Variants in GTSE1 observed in about 807,000 individuals in gnomAD.
GTSE1 encodes G2 and S phase-expressed protein 1.
Under a neutral mutation model 60.5 loss-of-function variants are expected in GTSE1, and 52 were observed. That is an observed-to-expected ratio of 0.86 (90% CI 0.69 to 1.08). The LOEUF (loss-of-function observed/expected upper bound fraction) is 1.08. Ranked by LOEUF, GTSE1 falls within the 50% of genes least tolerant of loss-of-function variation. The pLI is 0.00. For missense variants in GTSE1, 937 were observed against 961.8 expected (o/e 0.97, Z 0.34); for synonymous variants, 368 against 386.5 (o/e 0.95, Z 0.56).
At position 46,326,599 on chromosome 22, in the gene GTSE1, C is replaced by T. The variant is rs1031787274; in HGVS notation, c.1669C>T (p.Leu557=). ...GATGCCCAGGGCCGTGGGCTCTCCCCTGTGTGTGCCAGCTCGGAGACGTTC... is the reference window on the plus strand; with the variant it reads ...GATGCCCAGGGCCGTGGGCTCTCCCTTGTGTGTGCCAGCTCGGAGACGTTC... ...KTMPRAVGSP[L]CVPARRRSSE... Residue 557 remains leucine, a synonymous_variant, in exon 9 of 12, where the codon CTG becomes TTG. Coordinates refer to ENST00000454366, the MANE Select transcript of GTSE1 (RefSeq NM_016426.7). 9 of 1,613,666 alleles carry T rather than the reference C, an allele frequency of 5.6e-6. No homozygotes were observed. Among genetic ancestry groups the T allele is most frequent in the East Asian group, 4.5e-5 (2 of 44,878 alleles).
At chr22:46,307,849 C>T (rs961047318) in intron 2 of GTSE1, among the ~76,000 whole-genome samples, 3 of 151,824 alleles carry the variant, frequency 2.0e-5, no homozygotes, top group Non-Finnish European at 4.4e-5. Context: ...TGGTGGCTCA[C>T]GCCTGTAACC....
chr22:46,297,591 C>A lies in GTSE1; in HGVS notation c.79+112C>A, dbSNP rs1369961210. 1 of 746,698 alleles carries A rather than the reference C, an allele frequency of 1.3e-6. No individual in the cohort carries two copies. Among genetic ancestry groups the A allele is most frequent in the African/African-American group, 1.8e-5 (1 of 56,846 alleles). The allele number at this position is 746,698 out of a possible 1,614,324, so 46.3% of individuals were successfully genotyped here. On this transcript the variant is annotated intron_variant, in intron 2 of 11. Coordinates refer to ENST00000454366, the MANE Select transcript of GTSE1 (RefSeq NM_016426.7). This position sits in a 1 kb window ranked among gnomAD's most constrained non-coding sequence, Gnocchi z 4.9. ...TCTCAAGTGCTCGACTTGTACTCTG[C>A]ACCTGTGAAACACATGACATCTGCC...
Position 46,330,447 on chromosome 22 carries a change from C to T in GTSE1, c.*317C>T, listed in dbSNP as rs2077869934. 1 of 219,744 alleles carries T rather than the reference C, an allele frequency of 4.6e-6. No individual in the cohort carries two copies. Among genetic ancestry groups the T allele is most frequent in the African/African-American group, 2.3e-5 (1 of 43,656 alleles). The allele number at this position is 219,744 out of a possible 1,614,324, so 13.6% of individuals were successfully genotyped here. On this transcript the variant is annotated 3_prime_UTR_variant, in exon 12 of 12. Transcript: ENST00000454366. This position sits in a 1 kb window ranked among gnomAD's most constrained non-coding sequence, Gnocchi z 6.0. ...GCAGTGGGCTGTGATTGTGCCACTG[C>T]ACTCCAGCCTGGGCACCAATGTGAG...
rs1216084192 is a variant in GTSE1 at position 46,302,950 on chromosome 22, A to G, written c.80-5200A>G. Reference sequence around the variant, plus strand: ...AGTCTTGCTCTGTCACCCAGGCTGGAGTGCAGTGGCGTGATCTTGGCTCAC... The same window carrying G: ...AGTCTTGCTCTGTCACCCAGGCTGGGGTGCAGTGGCGTGATCTTGGCTCAC... On this transcript the variant is annotated intron_variant, in intron 2 of 11. Transcript: ENST00000454366. 2.2e-5 allele frequency among the ~76,000 whole-genome samples: 3 copies of G among 134,474 alleles called. No individual in the cohort carries two copies. The Admixed American group carries it at 2.5e-4, about 11-fold the overall frequency. The allele number at this position is 134,474 out of a possible 152,430, so 88.2% of individuals were successfully genotyped here.
chr22:46,299,959 A>ATTTT (rs130640), intron 2 of GTSE1, among the ~76,000 whole-genome samples: 2 of 100,214 alleles, frequency 2.0e-5, no homozygotes, highest in African/African-American at 4.0e-5. Flanking sequence ...CGCCCAGCTA[A>ATTTT]TTTTTTTTTT....
rs1237343143 is a variant in GTSE1 at position 46,314,078 on chromosome 22, G to T, written c.1051+65G>T. The T allele has an allele frequency of 2.4e-5, 38 of 1,589,402 alleles. No individual in the cohort carries two copies. In the East Asian group the frequency reaches 8.3e-4, roughly 35 times the overall value. On this transcript the variant is annotated intron_variant, in intron 6 of 11. Coordinates refer to ENST00000454366, the MANE Select transcript of GTSE1 (RefSeq NM_016426.7). The surrounding 1 kb of genome is among the most constrained non-coding windows in gnomAD (Gnocchi z 7.1). ...AGGTGAGGCCTGGAGTGCTGCTCAG[G>T]CCTTGGAGACTGTTTCTGCAGAACC... is the stretch of plus-strand genomic sequence containing the variant.
rs1378510138 is a variant in GTSE1 at position 46,316,100 on chromosome 22, G to A, written c.1120G>A (p.Gly374Ser). The change falls in exon 7 of 12, where the codon GGC becomes AGC. Residue 374 changes from glycine (G) to serine (S), a missense_variant. Transcript: ENST00000454366. This position sits in a 1 kb window ranked among gnomAD's most constrained non-coding sequence, Gnocchi z 5.0. Reference sequence around the variant, plus strand: ...GCCTCTGTCAAACATCAGCAAGTCAGGCAGAATGGGACCCGCCATGCTGCG... The same window carrying A: ...GCCTCTGTCAAACATCAGCAAGTCAAGCAGAATGGGACCCGCCATGCTGCG... ...SRPLSNISKS[G>S]RMGPAMLRPA... 20 of 1,556,656 alleles carry A rather than the reference G, an allele frequency of 1.3e-5. No homozygotes were observed. The highest frequency in any genetic ancestry group is 1.7e-5 in the Non-Finnish European group (20 of 1,149,702).
chr22:46,316,370 C>T lies in GTSE1; in HGVS notation c.1390C>T (p.Pro464Ser). The T allele has an allele frequency of 6.3e-7, 1 of 1,598,988 alleles. No individual in the cohort carries two copies. The highest frequency in any genetic ancestry group is 8.6e-7 in the Non-Finnish European group (1 of 1,167,958). Residue 464 changes from proline (P) to serine (S), a missense_variant, in exon 7 of 12, where the codon CCT (proline) becomes TCT (serine). By Grantham distance (74) the Pro-to-Ser change is moderately conservative. Transcript: ENST00000454366. The surrounding 1 kb of genome is among the most constrained non-coding windows in gnomAD (Gnocchi z 5.0). ...SCLNSKTKVM[P>S]TPTNQFKIPK... ...TCTAAATTCCAAGACAAAGGTTATG[C>T]CTACTCCTACAAATCAATTTAAAAT...
At position 46,321,212 on chromosome 22, in the gene GTSE1, C is replaced by G. The variant is rs2077810635; in HGVS notation, c.1433-1978C>G. 6.6e-6 allele frequency among the ~76,000 whole-genome samples: 1 copy of G among 152,116 alleles called. No homozygotes were observed. The highest frequency in any genetic ancestry group is 1.5e-5 in the Non-Finnish European group (1 of 68,016). On this transcript the variant is annotated intron_variant, in intron 7 of 11. Coordinates refer to ENST00000454366, the MANE Select transcript of GTSE1 (RefSeq NM_016426.7). The surrounding 1 kb of genome is among the most constrained non-coding windows in gnomAD (Gnocchi z 4.0). ...CCCACTCCATACAAGAAAACAAACA[C>G]CAGCCTGGGCGACACAGTGAGACCC... is the stretch of plus-strand genomic sequence containing the variant.
At chr22:46,312,509 A>C (rs1252283101) in intron 5 of GTSE1, among the ~76,000 whole-genome samples, 1 of 151,900 alleles carries the variant, frequency 6.6e-6, no homozygotes, top group African/African-American at 2.4e-5. Context: ...CATGGTGGTG[A>C]GCAACGGCAG....
chr22:46,325,387 G>C (rs2077837723), intron 8 of GTSE1, among the ~76,000 whole-genome samples: 1 of 152,094 alleles, frequency 6.6e-6, no homozygotes. Context: ...TAGTAGAGAT[G>C]GGGTTTCACC....
Position 46,330,205 on chromosome 22 carries a change from G to A in GTSE1, c.*75G>A. On this transcript the variant is annotated 3_prime_UTR_variant, in exon 12 of 12. Transcript: ENST00000454366. The surrounding 1 kb of genome is among the most constrained non-coding windows in gnomAD (Gnocchi z 6.0). ...ACCCTCAGAAACAAGCTTTAGGCTG[G>A]TCGCAGTGGCTTACACTTGTAACCC... 1.1e-6 allele frequency: 1 copy of A among 884,526 alleles called. No individual in the cohort carries two copies. The highest frequency in any genetic ancestry group is 1.9e-6 in the Non-Finnish European group (1 of 521,502). 54.8% of individuals were successfully genotyped at this position (884,526 alleles called of 1,614,324 possible).
At chr22:46,312,054 C>G (rs2077751366) in intron 4 of GTSE1, 87 bp from the exon 5 acceptor site, 1 of 1,129,768 alleles carries the variant, frequency 8.9e-7, no homozygotes. Context: ...GAAGATGGGG[C>G]CTAGGCTCGC....
rs566751040 is a variant in GTSE1 at position 46,308,896 on chromosome 22, C to G, written c.715C>G (p.Arg239Gly). ...GCCCGGGACCAAATTGCTGCTGCCT[C>G]GAGCGGCCTCTGTTAGAGGAAGAAG... The part of the protein sequence containing the change: ...RKPGTKLLLP[R>G]AASVRGRSIP... The change falls in exon 4 of 12, where the codon CGA becomes GGA. Residue 239 changes from arginine to glycine, a missense_variant. Coordinates refer to ENST00000454366, the MANE Select transcript of GTSE1 (RefSeq NM_016426.7). 119 of 1,613,134 alleles carry G rather than the reference C, an allele frequency of 7.4e-5. 2 individuals are homozygous for G. In the South Asian group the frequency reaches 1.2e-3, roughly 16 times the overall value.
intron 2 of GTSE1, among the ~76,000 whole-genome samples, chr22:46,300,223 G>A (rs1053662467): frequency 6.6e-6 from 1 of 152,034 alleles, no homozygotes; most frequent in Admixed American, 6.6e-5. Flanking sequence ...TCAGCCTCCT[G>A]AGTAGCTGGG....
chr22:46,316,477 A>C lies in GTSE1; in HGVS notation c.1432+65A>C. 1.8e-6 allele frequency: 2 copies of C among 1,101,988 alleles called. No homozygotes were observed. Among genetic ancestry groups the C allele is most frequent in the Non-Finnish European group, 2.6e-6 (2 of 758,852 alleles). The allele number at this position is 1,101,988 out of a possible 1,614,324, so 68.3% of individuals were successfully genotyped here. ...CTGAAGAAATTGCATTTAAAGTTTT[A>C]AACAATTATTGATGGCATTGATGGT... On this transcript the variant is annotated intron_variant, in intron 7 of 11. Coordinates refer to ENST00000454366, the MANE Select transcript of GTSE1 (RefSeq NM_016426.7). The surrounding 1 kb of genome is among the most constrained non-coding windows in gnomAD (Gnocchi z 5.0).
chr22:46,327,958 A>G (rs2077853558), intron 9 of GTSE1, among the ~76,000 whole-genome samples: 1 of 152,264 alleles, frequency 6.6e-6, no homozygotes, highest in South Asian at 2.1e-4. Flanking sequence ...AAATAGGAAT[A>G]TGTGTTTAAC....
Position 46,307,250 on chromosome 22 carries a change from A to G in GTSE1, c.80-900A>G, listed in dbSNP as rs372496110. Among the ~76,000 whole-genome samples the G allele has an allele frequency of 9.8e-4, 149 of 152,346 alleles. No homozygotes were observed. The Middle Eastern group carries it at 0.017, about 17-fold the overall frequency. ...AATGGCGGTCAACGAATTCTTATAGAGTCCCTACTCCGTGCATTTGAGTAA... is the reference window on the plus strand; with the variant it reads ...AATGGCGGTCAACGAATTCTTATAGGGTCCCTACTCCGTGCATTTGAGTAA... On this transcript the variant is annotated intron_variant, in intron 2 of 11. Transcript: ENST00000454366.
Position 46,321,040 on chromosome 22 carries a change from C to T in GTSE1, c.1433-2150C>T, listed in dbSNP as rs1203898540. ...GAGGCGGCAAGGGAGAGGGAGGCGG[C>T]GAGGGAGAGAGAGGTGGGCTTGCCT... is the stretch of plus-strand genomic sequence containing the variant. On this transcript the variant is annotated intron_variant, in intron 7 of 11. Coordinates refer to ENST00000454366, the MANE Select transcript of GTSE1 (RefSeq NM_016426.7). The surrounding 1 kb of genome is among the most constrained non-coding windows in gnomAD (Gnocchi z 4.0). Among the ~76,000 whole-genome samples, 2 of 151,670 alleles carry T rather than the reference C, an allele frequency of 1.3e-5. No individual in the cohort carries two copies. Among genetic ancestry groups the T allele is most frequent in the Non-Finnish European group, 2.9e-5 (2 of 67,916 alleles).
Sources: gnomAD v4.1 joint callset for allele counts (sites outside exome capture counted in the v4.1 genomes callset) on GRCh38, gnomAD v4.1.1 for gene constraint, Gnocchi (gnomAD v3.1) non-coding constraint, MANE v1.5 for transcripts, NCBI Gene and HGNC (gene_info 2026-07-23, HGNC 2026-07-21) for gene names.